The following MIX23 variants were observed in gnomAD, a reference collection of about 807,000 sequenced individuals.
The protein encoded by MIX23 is mitochondrial matrix import factor 23.
Under a neutral mutation model 21.6 loss-of-function variants are expected in MIX23, and 13 were observed. That is an observed-to-expected ratio of 0.60 (90% confidence interval 0.39 to 0.96). The LOEUF (loss-of-function observed/expected upper bound fraction) is 0.96, where lower values mean the gene tolerates loss of function less well. Ranked by LOEUF, MIX23 falls within the 40% of genes least tolerant of loss-of-function variation. The pLI is 0.00. For synonymous variants in MIX23, 59 were observed against 58.0 expected (o/e 1.02, Z -0.08); for missense variants, 144 against 171.2 (o/e 0.84, Z 0.89).
chr3:122,380,603 C>T (rs150529553), intron 1 of MIX23, among the ~76,000 whole-genome samples: 3 of 152,022 alleles, frequency 2.0e-5, no homozygotes, highest in African/African-American at 4.8e-5. Context: ...GAAAGAGACA[C>T]GTATGAGGAC....
At chr3:122,382,698 A>G (rs58758998) in intron 1 of MIX23, among the ~76,000 whole-genome samples, 4,228 of 152,286 alleles carry the variant, frequency 0.028, 205 homozygotes, top group African/African-American at 0.096. Flanking sequence ...CAGGTACTAT[A>G]ATTAATCCTC....
intron 3 of MIX23, among the ~76,000 whole-genome samples, chr3:122,366,989 G>A (rs997280315): frequency 2.6e-5 from 4 of 152,114 alleles, no homozygotes; most frequent in Admixed American, 2.6e-4. Context: ...GGTCCTGTAG[G>A]AAAAGTCCCT....
At chr3:122,381,250 C>T (rs1376538068) in intron 1 of MIX23, among the ~76,000 whole-genome samples, 3 of 152,196 alleles carry the variant, frequency 2.0e-5, no homozygotes, top group East Asian at 1.9e-4. Flanking sequence ...CACTGGGTTT[C>T]GCAAGTGCCA....
chr3:122,382,542 G>T (rs1044535408), intron 1 of MIX23, among the ~76,000 whole-genome samples: 1 of 152,226 alleles, frequency 6.6e-6, no homozygotes, highest in Non-Finnish European at 1.5e-5. Context: ...AATTGGAACA[G>T]ATAACTTTAA....
chr3:122,359,830 T>TAAAAAAA lies in MIX23; in HGVS notation c.*32_*38dup, dbSNP rs527562300. ...AGCTCTTATGAGATGACCCAGTCCT[T>TAAAAAAA]AAAAAAAAAAAAAAAAAAAAAAAAA... On this transcript the variant is annotated 3_prime_UTR_variant, in exon 5 of 5. Coordinates refer to ENST00000291458, the MANE Select transcript of MIX23 (RefSeq NM_001017928.4). The TAAAAAAA allele has an allele frequency of 1.2e-3, 1,241 of 1,007,258 alleles. 27 individuals are homozygous for TAAAAAAA. The highest frequency in any genetic ancestry group is 0.011 in the African/African-American group (348 of 30,766). The allele number at this position is 1,007,258 out of a possible 1,614,324, so 62.4% of individuals were successfully genotyped here. A position where few individuals can be genotyped will look rare whatever the true frequency, so the allele number is the denominator to read the frequency against.
intron 2 of MIX23, among the ~76,000 whole-genome samples, chr3:122,368,795 A>G (rs942018086): frequency 3.9e-5 from 6 of 152,234 alleles, no homozygotes; most frequent in Admixed American, 3.9e-4. Context: ...AAACTAAGTC[A>G]TGTATAGAAG....
Position 122,368,313 on chromosome 3 carries a change from C to T in MIX23, c.187G>A (p.Ala63Thr), listed in dbSNP as rs752007269. Residue 63 changes from alanine to threonine, a missense_variant, in exon 3 of 5, where the codon GCT (alanine) becomes ACT (threonine). Physicochemically the swap from Ala to Thr is moderately conservative, Grantham distance 58. Transcript: ENST00000291458. ...ATGACTCTGTCTCTACTGGCATGAG[C>T]TGCCATCAACTAAAAGAACAAAGGA... ...CKQLYESLMA[A>T]HASRDRVIKN... The T allele has an allele frequency of 2.6e-5, 41 of 1,581,178 alleles. No homozygotes were observed. Among genetic ancestry groups the T allele is most frequent in the Non-Finnish European group, 3.2e-5 (38 of 1,172,274 alleles).
intron 3 of MIX23, 115 bp downstream of exon 3, chr3:122,368,061 C>G: frequency 1.2e-6 from 1 of 862,418 alleles, no homozygotes; most frequent in South Asian, 1.5e-5. Context: ...ATCTCTTGAT[C>G]ATTTTTTTAA....
At chr3:122,366,984 T>C (rs985894323) in intron 3 of MIX23, among the ~76,000 whole-genome samples, 2 of 152,066 alleles carry the variant, frequency 1.3e-5, no homozygotes, top group Non-Finnish European at 2.9e-5. Context: ...ACACTGGTCC[T>C]GTAGGAAAAG....
intron 3 of MIX23, among the ~76,000 whole-genome samples, chr3:122,364,258 TGG>T (rs150927611): frequency 5.3e-4 from 80 of 152,314 alleles, no homozygotes; most frequent in Non-Finnish European, 1.2e-3. Flanking sequence ...GCTAGAACTG[TGG>T]AACAAGGAGA....
intron 1 of MIX23, among the ~76,000 whole-genome samples, chr3:122,379,186 G>A (rs932341320): frequency 6.6e-6 from 1 of 152,170 alleles, no homozygotes; most frequent in African/African-American, 2.4e-5. Context: ...ATAAAGTGTG[G>A]GTGATGAAGT....
intron 1 of MIX23, among the ~76,000 whole-genome samples, chr3:122,381,247 T>A (rs571905893): frequency 6.6e-6 from 1 of 152,242 alleles, no homozygotes; most frequent in African/African-American, 2.4e-5. Context: ...ATCCACTGGG[T>A]TTCGCAAGTG....
chr3:122,372,993 C>A, intron 1 of MIX23: 1 of 423,298 alleles, frequency 2.4e-6, no homozygotes, highest in Non-Finnish European at 4.7e-6. Flanking sequence ...CTTTGCCAAA[C>A]TTAAATCCAT....
At chr3:122,379,669 T>C (rs1271073861) in intron 1 of MIX23, among the ~76,000 whole-genome samples, 1 of 152,100 alleles carries the variant, frequency 6.6e-6, no homozygotes, top group African/African-American at 2.4e-5. Context: ...TTATACACAA[T>C]AAACTGCAAC....
At chr3:122,366,246 G>A (rs910387468) in intron 3 of MIX23, among the ~76,000 whole-genome samples, 6 of 152,026 alleles carry the variant, frequency 3.9e-5, no homozygotes, top group African/African-American at 1.5e-4. Context: ...TTCATGAACA[G>A]CAAGGGGAGT....
intron 4 of MIX23, among the ~76,000 whole-genome samples, chr3:122,360,993 G>A (rs1462992916): frequency 1.4e-4 from 21 of 151,994 alleles, no homozygotes; most frequent in African/African-American, 4.6e-4. Flanking sequence ...ACAGGCACCC[G>A]CCACCATGCC....
intron 1 of MIX23, among the ~76,000 whole-genome samples, chr3:122,375,467 T>C (rs942124016): frequency 3.9e-5 from 6 of 152,180 alleles, no homozygotes; most frequent in South Asian, 2.1e-4. Flanking sequence ...TTTGGAGATA[T>C]AGACAGAAAT....
At chr3:122,370,456 CAAAAAAA>C (rs10660235) in intron 2 of MIX23, among the ~76,000 whole-genome samples, 2 of 48,272 alleles carry the variant, frequency 4.1e-5, no homozygotes, top group African/African-American at 9.5e-5. Context: ...GACACTGTCT[CAAAAAAA>C]AAAAAAAAAA....
chr3:122,368,970 GAAC>G (rs1470905204), intron 2 of MIX23, among the ~76,000 whole-genome samples: 1 of 152,192 alleles, frequency 6.6e-6, no homozygotes, highest in African/African-American at 2.4e-5. Flanking sequence ...ATGTCTGACA[GAAC>G]AACTCTTGAT....
Sources: gnomAD v4.1 joint callset for allele counts (sites outside exome capture counted in the v4.1 genomes callset) on GRCh38, gnomAD v4.1.1 for gene constraint, MANE v1.5 for transcripts, NCBI Gene and HGNC (gene_info 2026-07-23, HGNC 2026-07-21) for gene names.